VARS1: variants seen among roughly 807,000 people sequenced by gnomAD.
VARS1 encodes the protein valyl-tRNA synthetase 1.
Under a neutral mutation model 161.0 loss-of-function variants are expected in VARS1, and 92 were observed. That is an observed-to-expected ratio of 0.57 (90% confidence interval 0.48 to 0.68). VARS1 has a LOEUF of 0.68. VARS1 is among the 30% of genes least tolerant of loss of function. The pLI, the probability that VARS1 is intolerant of heterozygous loss-of-function variation, is 0.00. For synonymous variants in VARS1, 595 were observed against 682.5 expected, an observed-to-expected ratio of 0.87 and a Z score of 2.00; for missense variants, 1,338 against 1,695.9, an observed-to-expected ratio of 0.79 and a Z score of 3.71.
At chr6:31,794,048 C>T (rs1431052898) in intron 2 of VARS1, among the ~76,000 whole-genome samples, 4 of 146,266 alleles carry the variant, frequency 2.7e-5, no homozygotes, top group African/African-American at 5.1e-5. Flanking sequence ...ATCGCACCAT[C>T]GCACCGTGGC....
chr6:31,794,995 C>T lies in VARS1; in HGVS notation c.223G>A (p.Val75Met). ...CCTGCTGGCCACAGCAGCTGGGCCA[C>T]AGCCGTGGCCCCCCACACCCAGAGC... ...GGLWVWGATA[V>M]AQLLWPAGLG... Residue 75 changes from valine (V) to methionine (M), a missense_variant, in exon 2 of 30, where the codon GTG (valine) becomes ATG (methionine). This residue lies in a region of VARS1 where 902 missense variants were observed against 1,090.3 expected (regional missense o/e 0.83). Coordinates refer to ENST00000375663, the MANE Select transcript of VARS1 (RefSeq NM_006295.3). 2 of 1,607,288 alleles carry T rather than the reference C, an allele frequency of 1.2e-6. No individual in the cohort carries two copies. Among genetic ancestry groups the T allele is most frequent in the Non-Finnish European group, 1.7e-6 (2 of 1,176,590 alleles).
At position 31,781,742 on chromosome 6, in the gene VARS1, G is replaced by A. The variant is rs779329829; in HGVS notation, c.2367C>T (p.Thr789=). ...SLQQDEDVLD[T]WFSSGLFPLS... is the part of the protein sequence containing the mutation. Reference sequence around the variant, plus strand: ...AGGGGAAGAGGCCAGAGGAGAACCAGGTATCCAATACATCCTCATCTGAGA... The same window carrying A: ...AGGGGAAGAGGCCAGAGGAGAACCAAGTATCCAATACATCCTCATCTGAGA... The change falls in exon 20 of 30, where the codon ACC becomes ACT. Residue 789 remains threonine (T), a synonymous_variant. Transcript: ENST00000375663. This position sits in a 1 kb window ranked among gnomAD's most constrained non-coding sequence, Gnocchi z 6.8. 6.2e-7 allele frequency: 1 copy of A among 1,613,050 alleles called. No individual in the cohort carries two copies. The highest frequency in any genetic ancestry group is 1.1e-5 in the South Asian group (1 of 91,086).
intron 2 of VARS1, 40 bp downstream of exon 2, chr6:31,794,791 T>C: frequency 6.6e-7 from 1 of 1,510,752 alleles, no homozygotes; most frequent in Non-Finnish European, 8.9e-7. Context: ...TTCCCTCCTC[T>C]GAATTTCTCC....
Position 31,781,189 on chromosome 6 carries a change from C to T in VARS1, c.2545-66G>A. ...CCTTCCCCGGCCTCAGTGCCCCGAC[C>T]AGGACTGTGTCTGGTCTACCCCACT... On this transcript the variant is annotated intron_variant, in intron 21 of 29. Coordinates refer to ENST00000375663, the MANE Select transcript of VARS1 (RefSeq NM_006295.3). This position sits in a 1 kb window ranked among gnomAD's most constrained non-coding sequence, Gnocchi z 6.8. 1 of 1,563,156 alleles carries T rather than the reference C, an allele frequency of 6.4e-7. No homozygotes were observed. Among genetic ancestry groups the T allele is most frequent in the Non-Finnish European group, 8.7e-7 (1 of 1,143,154 alleles).
At chr6:31,794,707 A>G in intron 2 of VARS1, 124 bp downstream of exon 2, 1 of 1,347,084 alleles carries the variant, frequency 7.4e-7, no homozygotes, top group Non-Finnish European at 9.9e-7. Flanking sequence ...CCAGTTGGCA[A>G]TCTGGGATTT....
intron 2 of VARS1, among the ~76,000 whole-genome samples, chr6:31,793,644 A>T (rs2151436009): frequency 6.6e-6 from 1 of 152,360 alleles, no homozygotes; most frequent in East Asian, 1.9e-4. Flanking sequence ...AACATCAATA[A>T]ATATGTATTA....
At chr6:31,787,901 G>A (rs368291894) in intron 8 of VARS1, among the ~76,000 whole-genome samples, 4 of 152,048 alleles carry the variant, frequency 2.6e-5, no homozygotes, top group Admixed American at 6.6e-5. Flanking sequence ...CGCGAATCAC[G>A]AGGTCAGGAG....
rs1306980268 is a variant in VARS1, at chr6:31,794,990, G to A, written c.228C>T (p.Ala76=). Residue 76 remains alanine, a synonymous_variant, in exon 2 of 30, where the codon GCC becomes GCT. Transcript: ENST00000375663. ...GLWVWGATAV[A]QLLWPAGLGG... is the part of the protein sequence containing the mutation. ...CCAGGCCTGCTGGCCACAGCAGCTG[G>A]GCCACAGCCGTGGCCCCCCACACCC... 1 of 1,608,680 alleles carries A rather than the reference G, an allele frequency of 6.2e-7. No homozygotes were observed. Among genetic ancestry groups the A allele is most frequent in the Non-Finnish European group, 8.5e-7 (1 of 1,177,560 alleles).
chr6:31,790,022 C>T (rs1263709257), intron 8 of VARS1, among the ~76,000 whole-genome samples: 2 of 150,328 alleles, frequency 1.3e-5, no homozygotes, highest in East Asian at 3.9e-4. Flanking sequence ...CAGTGCAAGA[C>T]CCGTCTCAAA....
At position 31,795,409 on chromosome 6, in the gene VARS1, T is replaced by A; in HGVS notation, c.-34+137A>T. On this transcript the variant is annotated intron_variant, in intron 1 of 29. Coordinates refer to ENST00000375663, the MANE Select transcript of VARS1 (RefSeq NM_006295.3). This position sits in a 1 kb window ranked among gnomAD's most constrained non-coding sequence, Gnocchi z 6.9. ...GGCTGTCAGGAGCCGAGGACCTGGC[T>A]CTCAGAGGGGCAGTGTCAGTGGGGA... 1 of 423,518 alleles carries A rather than the reference T, an allele frequency of 2.4e-6. No homozygotes were observed. Among genetic ancestry groups the A allele is most frequent in the Non-Finnish European group, 4.0e-6 (1 of 248,712 alleles). 26.2% of individuals were successfully genotyped at this position (423,518 alleles called of 1,614,324 possible).
rs143672420 is a variant in VARS1, at chr6:31,793,049, G to A, written c.459C>T (p.Ala153=). 18 of 1,612,930 alleles carry A rather than the reference G, an allele frequency of 1.1e-5. No individual in the cohort carries two copies. The highest frequency in any genetic ancestry group is 6.7e-5 in the African/African-American group (5 of 74,940). The change falls in exon 3 of 30, where the codon GCC becomes GCT. Residue 153 remains alanine, a synonymous_variant. Transcript: ENST00000375663. ...EEWLRLHTYL[A]GEAPTLADLA... Reference sequence around the variant, plus strand: ...GGTCAGCCAGAGTGGGGGCCTCCCCGGCCAAGTAGGTGTGCAGCCGAAGCC... The same window carrying A: ...GGTCAGCCAGAGTGGGGGCCTCCCCAGCCAAGTAGGTGTGCAGCCGAAGCC...
At chr6:31,792,631 C>T (rs1167569312) in intron 4 of VARS1, 115 bp from the exon 5 acceptor site, 2 of 1,592,048 alleles carry the variant, frequency 1.3e-6, no homozygotes, top group African/African-American at 2.7e-5. Context: ...GCTGACCTCC[C>T]CCCTCTCCCT....
At chr6:31,790,233 C>T (rs1220517345) in intron 8 of VARS1, among the ~76,000 whole-genome samples, 6 of 151,768 alleles carry the variant, frequency 4.0e-5, no homozygotes, top group Admixed American at 3.9e-4. Flanking sequence ...ACTTGATATA[C>T]AGGGATGTGC....
intron 8 of VARS1, among the ~76,000 whole-genome samples, chr6:31,787,904 G>A (rs942950053): frequency 3.3e-5 from 5 of 152,052 alleles, no homozygotes; most frequent in African/African-American, 1.2e-4. Flanking sequence ...GAATCACGAG[G>A]TCAGGAGATC....
intron 13 of VARS1, 24 bp from the exon 14 acceptor site, chr6:31,783,210 A>G: frequency 1.9e-6 from 3 of 1,609,256 alleles, no homozygotes; most frequent in Non-Finnish European, 2.5e-6. Flanking sequence ...GATACCAAAA[A>G]CGCATGAAGC....
At chr6:31,792,101 G>A (rs1330156242) in intron 6 of VARS1, 116 bp downstream of exon 6, 16 of 1,474,096 alleles carry the variant, frequency 1.1e-5, no homozygotes, top group Non-Finnish European at 1.5e-5. Context: ...CCTAGAGGCA[G>A]GGCAGGGGGT....
Position 31,791,588 on chromosome 6 carries a change from G to A in VARS1, c.1100+22C>T, listed in dbSNP as rs746633642. Reference sequence around the variant, plus strand: ...CCAGACTAGGCAGAGGGAACCAGAGGAAGGTGCAGATAGAAGCTCACCATC... The same window carrying A: ...CCAGACTAGGCAGAGGGAACCAGAGAAAGGTGCAGATAGAAGCTCACCATC... On this transcript the variant is annotated intron_variant, in intron 8 of 29. Transcript: ENST00000375663. This position sits in a 1 kb window ranked among gnomAD's most constrained non-coding sequence, Gnocchi z 5.0. The A allele has an allele frequency of 6.3e-7, 1 of 1,596,636 alleles. No individual in the cohort carries two copies. The highest frequency in any genetic ancestry group is 1.3e-5 in the African/African-American group (1 of 74,742).
At chr6:31,783,254 C>T (rs1455116440) in intron 13 of VARS1, 68 bp from the exon 14 acceptor site, 2 of 1,544,146 alleles carry the variant, frequency 1.3e-6, no homozygotes, top group African/African-American at 2.7e-5. Flanking sequence ...CCTGTAATCC[C>T]AGAACTTTGG....
Position 31,785,407 on chromosome 6 carries a change from A to G in VARS1, c.1266-80T>C, listed in dbSNP as rs913742567. The G allele has an allele frequency of 2.5e-6, 4 of 1,581,156 alleles. No individual in the cohort carries two copies. The African/African-American group carries it at 4.0e-5, about 16-fold the overall frequency. ...AGGTGGCTGACTGGGCAGTGTGGAG[A>G]TCACCCATCCCCCTGAAATTTACCT... is the stretch of plus-strand genomic sequence containing the variant. On this transcript the variant is annotated intron_variant, in intron 9 of 29. Coordinates refer to ENST00000375663, the MANE Select transcript of VARS1 (RefSeq NM_006295.3). The surrounding 1 kb of genome is among the most constrained non-coding windows in gnomAD (Gnocchi z 6.1).
Sources: gnomAD v4.1 joint callset for allele counts (sites outside exome capture counted in the v4.1 genomes callset) on GRCh38, gnomAD v4.1.1 for gene constraint, gnomAD v4.1.1 regional missense constraint, Gnocchi (gnomAD v3.1) non-coding constraint, MANE v1.5 for transcripts, NCBI Gene and HGNC (gene_info 2026-07-23, HGNC 2026-07-21) for gene names.